Variants in FMN2 observed in about 807,000 individuals in gnomAD.
The protein encoded by FMN2 is formin-2.
A neutral mutation model predicts 142.3 loss-of-function variants in FMN2; 51 were observed. That is an observed-to-expected ratio of 0.36 (90% CI 0.29 to 0.45). The LOEUF is 0.45. Among genes scored for constraint, FMN2 ranks in the 20% least tolerant of loss-of-function variants. The pLI is 1.00. For missense variants in FMN2, 1,936 were observed against 2,122.8 expected (o/e 0.91, Z 1.73); for synonymous variants, 882 against 869.8 (o/e 1.01, Z -0.25).
At chr1:240,378,121 CTT>C (rs1401586397) in intron 14 of FMN2, among the ~76,000 whole-genome samples, 1 of 151,530 alleles carries the variant, frequency 6.6e-6, no homozygotes, top group Non-Finnish European at 1.5e-5. Flanking sequence ...GTGTTTTTCT[CTT>C]TCTTTTTTGT....
intron 2 of FMN2, among the ~76,000 whole-genome samples, chr1:240,146,703 A>C (rs190650833): frequency 1.3e-3 from 203 of 152,290 alleles, no homozygotes; most frequent in African/African-American, 4.6e-3. Context: ...AAAATTTAAA[A>C]AATAGTATAT....
intron 8 of FMN2, among the ~76,000 whole-genome samples, chr1:240,304,808 C>T (rs897487936): frequency 6.6e-6 from 1 of 152,168 alleles, no homozygotes; most frequent in Admixed American, 6.5e-5. Flanking sequence ...TCCAGAAGCG[C>T]GTGCACAGCT....
chr1:240,185,246 T>G (rs533208796), intron 3 of FMN2, among the ~76,000 whole-genome samples: 1 of 152,130 alleles, frequency 6.6e-6, no homozygotes, highest in Admixed American at 6.5e-5. Context: ...TTCTTTTTCC[T>G]TATCATGTAT....
At chr1:240,352,972 A>G (rs1672145583) in intron 13 of FMN2, among the ~76,000 whole-genome samples, 1 of 152,184 alleles carries the variant, frequency 6.6e-6, no homozygotes, top group African/African-American at 2.4e-5. Flanking sequence ...TCACCCCCTC[A>G]GAAGGCAGGT....
At chr1:240,184,387 C>T (rs531820113) in intron 3 of FMN2, among the ~76,000 whole-genome samples, 1 of 151,742 alleles carries the variant, frequency 6.6e-6, no homozygotes, top group African/African-American at 2.4e-5. Flanking sequence ...CAGGTGCCCA[C>T]CACCAGGCCG....
chr1:240,364,033 A>T (rs752177625), intron 14 of FMN2, among the ~76,000 whole-genome samples: 1 of 152,156 alleles, frequency 6.6e-6, no homozygotes, highest in African/African-American at 2.4e-5. Flanking sequence ...CCTTAATGCT[A>T]TTTCTGCTGT....
chr1:240,315,098 A>G (rs372542571), intron 8 of FMN2, among the ~76,000 whole-genome samples: 1 of 152,120 alleles, frequency 6.6e-6, no homozygotes, highest in African/African-American at 2.4e-5. Context: ...TGATGCCATA[A>G]ATGTTCACTA....
In FMN2 at chr1:240,208,701, T is replaced by C; in HGVS notation, c.3889T>C (p.Tyr1297His). Residue 1297 changes from tyrosine (Y) to histidine (H), a missense_variant, in exon 5 of 18, where the codon TAC becomes CAC. Tyr to His is a moderately conservative substitution (Grantham distance 83). This residue lies in a region of FMN2 where 259 missense variants were observed against 230.9 expected (regional missense o/e 1.12). Coordinates refer to ENST00000319653, the MANE Select transcript of FMN2 (RefSeq NM_020066.5). Reference sequence around the variant, plus strand: ...GCCTTGTCGACCAATGAAGCCTCTTTACTGGACCAGGATTCAACTACATAG... The same window carrying C: ...GCCTTGTCGACCAATGAAGCCTCTTCACTGGACCAGGATTCAACTACATAG... Reference protein sequence around the residue: ...IEPCRPMKPLYWTRIQLHSKR... With the variant: ...IEPCRPMKPLHWTRIQLHSKR... 1 of 1,613,386 alleles carries C rather than the reference T, an allele frequency of 6.2e-7. No individual in the cohort carries two copies. The highest frequency in any genetic ancestry group is 8.5e-7 in the Non-Finnish European group (1 of 1,179,622).
chr1:240,442,271 G>A (rs1194866508), intron 16 of FMN2, among the ~76,000 whole-genome samples: 1 of 152,150 alleles, frequency 6.6e-6, no homozygotes, highest in Non-Finnish European at 1.5e-5. Context: ...TAACCCAGGA[G>A]GACAGAGCAG....
intron 8 of FMN2, among the ~76,000 whole-genome samples, chr1:240,306,170 G>C (rs887649116): frequency 6.6e-6 from 1 of 151,970 alleles, no homozygotes; most frequent in Non-Finnish European, 1.5e-5. Context: ...GGCTGGTCTC[G>C]GACTCCTGAC....
At chr1:240,373,743 C>T (rs905632363) in intron 14 of FMN2, among the ~76,000 whole-genome samples, 2 of 152,190 alleles carry the variant, frequency 1.3e-5, no homozygotes, top group Admixed American at 6.5e-5. Flanking sequence ...TGAGCCCCTG[C>T]AAGTCATCTG....
intron 3 of FMN2, among the ~76,000 whole-genome samples, chr1:240,186,366 A>G (rs568857894): frequency 6.6e-6 from 1 of 152,326 alleles, no homozygotes; most frequent in South Asian, 2.1e-4. Flanking sequence ...ACCAGGCACT[A>G]TTTGGATGTG....
At chr1:240,345,078 C>G (rs945135182) in intron 13 of FMN2, among the ~76,000 whole-genome samples, 2 of 152,088 alleles carry the variant, frequency 1.3e-5, no homozygotes, top group African/African-American at 4.8e-5. Context: ...TTTCTTTTTC[C>G]ATTTTTAATT....
At chr1:240,209,624 T>C in intron 5 of FMN2, among the ~76,000 whole-genome samples, 1 of 146,012 alleles carries the variant, frequency 6.8e-6, no homozygotes, top group South Asian at 2.3e-4. Context: ...CACAGCCCTG[T>C]CCGGGTGCGG....
chr1:240,319,547 T>C (rs1229073334), intron 8 of FMN2, among the ~76,000 whole-genome samples: 4 of 152,152 alleles, frequency 2.6e-5, no homozygotes, highest in South Asian at 2.1e-4. Context: ...ACAACAGATG[T>C]GGTATACAAC....
At chr1:240,257,923 T>G (rs370255305) in intron 6 of FMN2, 22 bp from the exon 7 acceptor site, 7 of 1,602,358 alleles carry the variant, frequency 4.4e-6, no homozygotes, top group Non-Finnish European at 6.0e-6. Context: ...CATTTTCCCC[T>G]TTTACTTTCT....
At chr1:240,332,963 T>C (rs1434904414) in intron 11 of FMN2, among the ~76,000 whole-genome samples, 1 of 152,176 alleles carries the variant, frequency 6.6e-6, no homozygotes, top group Non-Finnish European at 1.5e-5. Flanking sequence ...ATGAGGGATA[T>C]CTCTAATAGC....
intron 14 of FMN2, among the ~76,000 whole-genome samples, chr1:240,385,816 T>C (rs1673388353): frequency 6.6e-6 from 1 of 152,178 alleles, no homozygotes; most frequent in South Asian, 2.1e-4. Flanking sequence ...TATGTATATG[T>C]TTCTTGAGTT....
intron 2 of FMN2, among the ~76,000 whole-genome samples, chr1:240,177,226 G>A (rs1664953863): frequency 6.6e-6 from 1 of 152,182 alleles, no homozygotes; most frequent in Non-Finnish European, 1.5e-5. Context: ...ATAGGCCATG[G>A]AGCAGGCTTC....
Sources: gnomAD v4.1 joint callset for allele counts (sites outside exome capture counted in the v4.1 genomes callset) on GRCh38, gnomAD v4.1.1 for gene constraint, gnomAD v4.1.1 regional missense constraint, MANE v1.5 for transcripts, NCBI Gene and HGNC (gene_info 2026-07-23, HGNC 2026-07-21) for gene names.